The following LGR6 variants were observed in gnomAD, a reference collection of about 807,000 sequenced individuals.
LGR6 encodes leucine-rich repeat-containing G protein-coupled receptor 6.
Under a neutral mutation model 69.4 loss-of-function variants are expected in LGR6, and 45 were observed. That is an observed-to-expected ratio of 0.65 (90% confidence interval 0.51 to 0.83). The LOEUF is 0.83. Ranked by LOEUF, LGR6 falls within the 40% of genes least tolerant of loss-of-function variation. The pLI is 0.00. For missense variants in LGR6, 1,108 were observed against 1,246.7 expected (o/e 0.89, Z 1.68); for synonymous variants, 538 against 555.0 (o/e 0.97, Z 0.43).
chr1:202,263,145 C>T (rs531813546), intron 4 of LGR6, among the ~76,000 whole-genome samples: 23 of 152,090 alleles, frequency 1.5e-4, no homozygotes, highest in Non-Finnish European at 3.1e-4. Flanking sequence ...TTTTCTGAGA[C>T]AGGGTCTCAC....
At chr1:202,236,516 GTTCCC>G (rs1032433779) in intron 4 of LGR6, among the ~76,000 whole-genome samples, 1 of 152,190 alleles carries the variant, frequency 6.6e-6, no homozygotes, top group Admixed American at 6.5e-5. Context: ...GAGCCCTGTA[GTTCCC>G]TTCTTGTCCA....
intron 1 of LGR6, among the ~76,000 whole-genome samples, chr1:202,196,497 T>G (rs3010092): frequency 6.6e-6 from 1 of 152,034 alleles, no homozygotes; most frequent in African/African-American, 2.4e-5. Flanking sequence ...GATGATATAA[T>G]CAGCAGTGCC....
chr1:202,293,888 C>T (rs1489421954), intron 6 of LGR6, among the ~76,000 whole-genome samples: 2 of 152,232 alleles, frequency 1.3e-5, no homozygotes, highest in African/African-American at 4.8e-5. Flanking sequence ...TTAGGCCACT[C>T]CTGCAAAATT....
chr1:202,229,480 T>C (rs543726848), intron 3 of LGR6, among the ~76,000 whole-genome samples: 94 of 152,350 alleles, frequency 6.2e-4, no homozygotes, highest in African/African-American at 2.2e-3. Flanking sequence ...GGCTCAGACC[T>C]GCAGCCCGGA....
At chr1:202,300,144 G>T (rs1027757042) in intron 7 of LGR6, among the ~76,000 whole-genome samples, 8 of 152,230 alleles carry the variant, frequency 5.3e-5, no homozygotes, top group Admixed American at 5.2e-4. Context: ...TGTCTTTTCT[G>T]TATCTTCCTT....
chr1:202,301,997 C>T (rs913336055), intron 9 of LGR6, among the ~76,000 whole-genome samples: 1 of 152,080 alleles, frequency 6.6e-6, no homozygotes, highest in African/African-American at 2.4e-5. Context: ...CCAGCCTGGG[C>T]AACAAGAATG....
At chr1:202,312,824 C>T (rs1236392640) in intron 16 of LGR6, among the ~76,000 whole-genome samples, 4 of 152,096 alleles carry the variant, frequency 2.6e-5, no homozygotes, top group African/African-American at 9.7e-5. Context: ...ATAAAATGTT[C>T]TAGATTCTCA....
At position 202,193,891 on chromosome 1, in the gene LGR6, C is replaced by A; in HGVS notation, c.-99C>A. On this transcript the variant is annotated 5_prime_UTR_variant, in exon 1 of 18. Transcript: ENST00000367278. The stretch of plus-strand genomic sequence containing the variant: ...ATAGAGCCCCTGGGGCGGTCCCCAC[C>A]GACGGTGCAGCCCGCCGGGACCGGG... 2 of 754,222 alleles carry A rather than the reference C, an allele frequency of 2.7e-6. No individual in the cohort carries two copies. Among genetic ancestry groups the A allele is most frequent in the Non-Finnish European group, 3.6e-6 (2 of 560,266 alleles). 46.7% of individuals were successfully genotyped at this position (754,222 alleles called of 1,614,324 possible). A position where few individuals can be genotyped will look rare whatever the true frequency, so the allele number is the denominator to read the frequency against.
intron 3 of LGR6, 102 bp from the exon 4 acceptor site, chr1:202,235,820 A>C: frequency 1.1e-6 from 1 of 912,192 alleles, no homozygotes; most frequent in Non-Finnish European, 1.8e-6. Flanking sequence ...GGTGAGAAGG[A>C]GGGGTCTGGC....
chr1:202,241,983 C>G (rs1180111018), intron 4 of LGR6, among the ~76,000 whole-genome samples: 1 of 152,140 alleles, frequency 6.6e-6, no homozygotes, highest in African/African-American at 2.4e-5. Flanking sequence ...GCCAGCCAAT[C>G]CAAAACAGAT....
chr1:202,216,994 T>C (rs1659827834), intron 1 of LGR6, among the ~76,000 whole-genome samples: 2 of 152,210 alleles, frequency 1.3e-5, no homozygotes, highest in Admixed American at 1.3e-4. Flanking sequence ...CACTTCTGAC[T>C]GGGATTCAGG....
At chr1:202,249,096 C>CA (rs1374893955) in intron 4 of LGR6, among the ~76,000 whole-genome samples, 1 of 152,166 alleles carries the variant, frequency 6.6e-6, no homozygotes, top group Admixed American at 6.5e-5. Context: ...CACCGAGGCT[C>CA]CACTGCAGCC....
At chr1:202,288,025 G>T (rs1036895318) in intron 6 of LGR6, among the ~76,000 whole-genome samples, 19 of 151,570 alleles carry the variant, frequency 1.3e-4, no homozygotes, top group Admixed American at 2.0e-4. Context: ...CCAACATTCT[G>T]TACTGGTCTA....
At chr1:202,239,788 T>G (rs771560768) in intron 4 of LGR6, among the ~76,000 whole-genome samples, 1 of 152,228 alleles carries the variant, frequency 6.6e-6, no homozygotes, top group Non-Finnish European at 1.5e-5. Flanking sequence ...ACTTACTGCC[T>G]ATAAGATCCT....
intron 6 of LGR6, among the ~76,000 whole-genome samples, chr1:202,294,327 C>G (rs570027212): frequency 4.4e-4 from 67 of 152,316 alleles, no homozygotes; most frequent in African/African-American, 1.5e-3. Context: ...GAAGAAAGAA[C>G]GGAAGCTGTC....
rs909596951 is a variant in LGR6 at position 202,253,389 on chromosome 1, G to C, written c.428+17396G>C. ...GCGATCTCGGCTCACTGCAATCTCCGCCTCCTGGGTTCAAGCTACTCTCCT... is the reference window on the plus strand; with the variant it reads ...GCGATCTCGGCTCACTGCAATCTCCCCCTCCTGGGTTCAAGCTACTCTCCT... On this transcript the variant is annotated intron_variant, in intron 4 of 17. Transcript: ENST00000367278. Among the ~76,000 whole-genome samples the C allele has an allele frequency of 2.0e-5, 3 of 151,254 alleles. No individual in the cohort carries two copies. In the East Asian group the frequency reaches 5.8e-4, roughly 29 times the overall value.
chr1:202,237,221 G>C (rs1661648538), intron 4 of LGR6, among the ~76,000 whole-genome samples: 1 of 152,190 alleles, frequency 6.6e-6, no homozygotes, highest in Non-Finnish European at 1.5e-5. Flanking sequence ...TCTGGCCCCA[G>C]CCCTCTCCTC....
At chr1:202,212,251 G>A (rs1476532352) in intron 1 of LGR6, among the ~76,000 whole-genome samples, 1 of 152,164 alleles carries the variant, frequency 6.6e-6, no homozygotes, top group African/African-American at 2.4e-5. Flanking sequence ...TTTCCTAGGT[G>A]GAGAAGTGTG....
At chr1:202,308,575 G>A (rs1206152768) in intron 14 of LGR6, among the ~76,000 whole-genome samples, 1 of 152,186 alleles carries the variant, frequency 6.6e-6, no homozygotes, top group East Asian at 1.9e-4. Flanking sequence ...CCTGCTTGTA[G>A]CCAGATGACC....
Sources: gnomAD v4.1 joint callset for allele counts (sites outside exome capture counted in the v4.1 genomes callset) on GRCh38, gnomAD v4.1.1 for gene constraint, MANE v1.5 for transcripts, NCBI Gene and HGNC (gene_info 2026-07-23, HGNC 2026-07-21) for gene names.